The following FAT3 variants were observed in gnomAD, a reference collection of about 807,000 sequenced individuals.
The protein encoded by FAT3 is FAT atypical cadherin 3.
FAT3 carries 95 observed loss-of-function variants against 310.2 expected under a neutral mutation model. The ratio of observed to expected loss-of-function variants is 0.31; its 90% CI spans 0.26 to 0.36. The LOEUF (loss-of-function observed/expected upper bound fraction) is 0.36. Ranked by LOEUF, FAT3 falls within the 10% of genes least tolerant of loss-of-function variation. The pLI is 1.00. For missense variants in FAT3, 5,408 were observed against 5,715.6 expected (o/e 0.95, Z 1.74); for synonymous variants, 2,314 against 2,192.9 (o/e 1.06, Z -1.54).
chr11:92,698,916 T>G (rs546358206), intron 4 of FAT3, among the ~76,000 whole-genome samples: 48 of 152,082 alleles, frequency 3.2e-4, no homozygotes, highest in South Asian at 2.7e-3. Flanking sequence ...ATCTGAGGAG[T>G]CTGGCTGAGA....
At chr11:92,367,713 A>G (rs1002653151) in intron 2 of FAT3, among the ~76,000 whole-genome samples, 10 of 152,206 alleles carry the variant, frequency 6.6e-5, no homozygotes, top group Admixed American at 6.5e-4. Context: ...TACAACATAA[A>G]TGAGTGTCTT....
chr11:92,531,204 A>G (rs917369031), intron 3 of FAT3, among the ~76,000 whole-genome samples: 4 of 152,224 alleles, frequency 2.6e-5, no homozygotes, highest in African/African-American at 9.6e-5. Flanking sequence ...AATTGTGTTC[A>G]TTTAATCCAA....
In FAT3 at chr11:92,524,863, T is replaced by G. The variant is rs773869610; in HGVS notation, c.3522T>G (p.Asp1174Glu). 1 of 1,613,914 alleles carries G rather than the reference T, an allele frequency of 6.2e-7. No homozygotes were observed. Among genetic ancestry groups the G allele is most frequent in the Non-Finnish European group, 8.5e-7 (1 of 1,179,844 alleles). The change falls in exon 3 of 28, where the codon GAT becomes GAG. Residue 1174 changes from aspartate to glutamate, a missense_variant. By Grantham distance (45) the Asp-to-Glu change is conservative (BLOSUM62 2). Coordinates refer to ENST00000525166, the MANE Select transcript of FAT3 (RefSeq NM_001367949.2). ...DVSVIQIQAE[D>E]PDSSSNEKLT... The stretch of plus-strand genomic sequence containing the variant: ...CTGTCATTCAGATCCAGGCTGAAGA[T>G]CCTGACTCCAGTTCCAATGAAAAAC...
intron 13 of FAT3, among the ~76,000 whole-genome samples, chr11:92,811,202 C>T (rs1290761049): frequency 6.6e-6 from 1 of 152,072 alleles, no homozygotes; most frequent in African/African-American, 2.4e-5. Flanking sequence ...TATGTAATAC[C>T]TACAAATAGT....
At chr11:92,679,841 CAAAAAAAAAAAA>C (rs71064721) in intron 3 of FAT3, among the ~76,000 whole-genome samples, 4 of 57,260 alleles carry the variant, frequency 7.0e-5, no homozygotes, top group South Asian at 9.9e-4. Flanking sequence ...GACTCCATCT[CAAAAAAAAAAAA>C]AAAAAAAAAA....
At chr11:92,864,828 A>G (rs1949198651) in intron 21 of FAT3, among the ~76,000 whole-genome samples, 1 of 152,192 alleles carries the variant, frequency 6.6e-6, no homozygotes, top group Admixed American at 6.5e-5. Context: ...AAAAAAGAAG[A>G]AGAAAGAAAG....
At chr11:92,654,704 T>A (rs1482571610) in intron 3 of FAT3, among the ~76,000 whole-genome samples, 1 of 152,170 alleles carries the variant, frequency 6.6e-6, no homozygotes, top group Non-Finnish European at 1.5e-5. Context: ...ACAACTATCA[T>A]CTTCTCACCC....
intron 3 of FAT3, among the ~76,000 whole-genome samples, chr11:92,540,988 T>TG (rs898480336): frequency 1.3e-5 from 2 of 152,146 alleles, no homozygotes; most frequent in African/African-American, 4.8e-5. Context: ...ACTGTTCTGT[T>TG]GTTATTTTAG....
intron 22 of FAT3, among the ~76,000 whole-genome samples, chr11:92,872,163 C>A (rs965026699): frequency 5.9e-5 from 9 of 152,182 alleles, no homozygotes; most frequent in Admixed American, 2.0e-4. Context: ...TTCAGTAGCA[C>A]TTTGGGGCCA....
At chr11:92,880,415 G>A (rs1032306759) in intron 22 of FAT3, among the ~76,000 whole-genome samples, 4 of 151,084 alleles carry the variant, frequency 2.6e-5, no homozygotes, top group Admixed American at 6.6e-5. Flanking sequence ...TAATAGTGCC[G>A]GGGAGAAAAC....
chr11:92,535,323 C>G (rs1954217426), intron 3 of FAT3, among the ~76,000 whole-genome samples: 1 of 152,104 alleles, frequency 6.6e-6, no homozygotes, highest in South Asian at 2.1e-4. Context: ...AAGGATGCTT[C>G]CCTAGGGTCC....
chr11:92,558,309 C>G (rs752396898), intron 3 of FAT3, among the ~76,000 whole-genome samples: 1 of 125,950 alleles, frequency 7.9e-6, no homozygotes. Flanking sequence ...TAAGCTCTTG[C>G]TTAAACTAGC....
At chr11:92,839,551 C>T (rs1015285784) in intron 17 of FAT3, among the ~76,000 whole-genome samples, 3 of 152,190 alleles carry the variant, frequency 2.0e-5, no homozygotes, top group East Asian at 1.9e-4. Context: ...CCCTGAATGA[C>T]GTTCTTATTT....
Position 92,844,526 on chromosome 11 carries a change from A to G in FAT3, c.11159A>G (p.Gln3720Arg). 2 of 1,614,018 alleles carry G rather than the reference A, an allele frequency of 1.2e-6. No individual in the cohort carries two copies. Among genetic ancestry groups the G allele is most frequent in the South Asian group, 2.2e-5 (2 of 91,064 alleles). ...TTCTACAAGCCAGCCTACCTGATCC[A>G]GAAGCTGTCCAATGCTAGAAGACAC... ...SEFYKPAYLIQKLSNARRHLE... is the reference protein window; with the variant it reads ...SEFYKPAYLIRKLSNARRHLE... Residue 3720 changes from glutamine (Q) to arginine (R), a missense_variant, in exon 19 of 28, where the codon CAG becomes CGG. By Grantham distance (43) the Gln-to-Arg change is conservative. Around this residue, in one of 5 missense-constraint regions of FAT3, gnomAD observed 4,588 missense variants for 4,809.8 expected, o/e 0.95. Transcript: ENST00000525166.
Position 92,806,467 on chromosome 11 carries a change from T to A in FAT3, c.9199T>A (p.Ser3067Thr). Residue 3067 changes from serine (S) to threonine (T), a missense_variant, in exon 12 of 28, where the codon TCA becomes ACA. Around this residue, in one of 5 missense-constraint regions of FAT3, gnomAD observed 4,588 missense variants for 4,809.8 expected, o/e 0.95. Coordinates refer to ENST00000525166, the MANE Select transcript of FAT3 (RefSeq NM_001367949.2). Reference protein sequence around the residue: ...DIGSNGYIRYSLYGSGNSEFF... With the variant: ...DIGSNGYIRYTLYGSGNSEFF... ...TGGATCCAATGGATATATACGATAC[T>A]CACTCTATGGATCTGGAAACAGTGA... The A allele has an allele frequency of 6.4e-7, 1 of 1,573,300 alleles. No homozygotes were observed. Among genetic ancestry groups the A allele is most frequent in the East Asian group, 2.3e-5 (1 of 44,236 alleles).
chr11:92,315,043 G>A (rs1160943872), intron 1 of FAT3, among the ~76,000 whole-genome samples: 3 of 151,626 alleles, frequency 2.0e-5, no homozygotes, highest in African/African-American at 4.8e-5. Flanking sequence ...CAACCTTCAC[G>A]GGCTTCTGGT....
intron 3 of FAT3, among the ~76,000 whole-genome samples, chr11:92,681,128 G>A (rs1434046124): frequency 6.6e-6 from 1 of 152,214 alleles, no homozygotes; most frequent in Non-Finnish European, 1.5e-5. Context: ...ACTCCTAGCT[G>A]CCATGTATAT....
chr11:92,810,003 C>A lies in FAT3; in HGVS notation c.9408C>A (p.Tyr3136Ter). 1 of 1,613,986 alleles carries A rather than the reference C, an allele frequency of 6.2e-7. No homozygotes were observed. Among genetic ancestry groups the A allele is most frequent in the Non-Finnish European group, 8.5e-7 (1 of 1,179,856 alleles). Reference protein sequence around the residue: ...DNPPVFSSDHYNTCVYENTAT... With the variant: ...DNPPVFSSDH ...CCCCTGTGTTTTCTTCTGACCACTA[C>A]AACACCTGTGTCTATGAGAACACAG... The change falls in exon 13 of 28, where the codon TAC becomes TAA. Residue 3136 changes from tyrosine (Y) to a stop codon, truncating the protein, a stop_gained. Coordinates refer to ENST00000525166, the MANE Select transcript of FAT3 (RefSeq NM_001367949.2). LOFTEE classifies it high-confidence loss of function.
At chr11:92,452,041 A>G (rs1951367382) in intron 2 of FAT3, among the ~76,000 whole-genome samples, 1 of 152,208 alleles carries the variant, frequency 6.6e-6, no homozygotes, top group South Asian at 2.1e-4. Context: ...ATAGATAGGC[A>G]GATAGACAGA....
Sources: allele counts gnomAD v4.1 joint callset (sites outside exome capture counted in the v4.1 genomes callset), GRCh38; gene constraint gnomAD v4.1.1; regional missense constraint gnomAD v4.1.1; transcripts MANE v1.5; gene names NCBI Gene and HGNC (gene_info 2026-07-23, HGNC 2026-07-21).